Variants in VAV1 observed in about 807,000 individuals in gnomAD.
VAV1 encodes proto-oncogene vav.
VAV1 carries 33 observed loss-of-function variants against 128.1 expected under a neutral mutation model. The ratio of observed to expected loss-of-function variants is 0.26; its 90% CI spans 0.20 to 0.34. VAV1 has a LOEUF of 0.34. Among genes scored for constraint, VAV1 ranks in the 10% least tolerant of loss-of-function variants. The pLI, the probability that VAV1 is intolerant of heterozygous loss-of-function variation, is 1.00. For missense variants in VAV1, 715 were observed against 1,093.7 expected (o/e 0.65, Z 4.88); for synonymous variants, 394 against 409.8 (o/e 0.96, Z 0.47).
At chr19:6,788,708 G>A (rs1970949202) in intron 1 of VAV1, among the ~76,000 whole-genome samples, 1 of 152,076 alleles carries the variant, frequency 6.6e-6, no homozygotes, top group Non-Finnish European at 1.5e-5. Context: ...GAGGTGGGAG[G>A]TGGCTGGTCA....
At chr19:6,843,400 G>A (rs767676435) in intron 22 of VAV1, among the ~76,000 whole-genome samples, 5 of 152,146 alleles carry the variant, frequency 3.3e-5, no homozygotes, top group Admixed American at 6.6e-5. Flanking sequence ...TGATGATGAC[G>A]ATGATGACAA....
At chr19:6,779,235 A>G (rs967023883) in intron 1 of VAV1, among the ~76,000 whole-genome samples, 1 of 150,704 alleles carries the variant, frequency 6.6e-6, no homozygotes, top group African/African-American at 2.4e-5. Context: ...TATTTTTTGT[A>G]GAGATGGGGT....
chr19:6,850,845 A>G, intron 24 of VAV1, 88 bp downstream of exon 24: 1 of 1,348,486 alleles, frequency 7.4e-7, no homozygotes, highest in Non-Finnish European at 1.0e-6. Context: ...CTTTTCCCAC[A>G]TTCAGGGTGA....
intron 26 of VAV1, among the ~76,000 whole-genome samples, chr19:6,854,495 T>A (rs1005061263): frequency 6.6e-6 from 1 of 152,036 alleles, no homozygotes; most frequent in Non-Finnish European, 1.5e-5. Context: ...GGAGGATCTC[T>A]TGAGGCCACA....
In VAV1 at chr19:6,833,219, G is replaced by A. The variant is rs764184305; in HGVS notation, c.1544G>A (p.Gly515Glu). 2 of 1,613,268 alleles carry A rather than the reference G, an allele frequency of 1.2e-6. No homozygotes were observed. The highest frequency in any genetic ancestry group is 2.2e-5 in the South Asian group (2 of 90,900). ...NIYPENATAN[G>E]HDFQMFSFEE... ...TATCCGGAGAATGCCACCGCCAACG[G>A]GCATGACTTCCAGATGTTCTCCTTT... Residue 515 changes from glycine (G) to glutamate (E), a missense_variant, in exon 16 of 27, where the codon GGG becomes GAG. By Grantham distance (98) the Gly-to-Glu change is moderately conservative. Around this residue, in one of 3 missense-constraint regions of VAV1, gnomAD observed 407 missense variants for 580.6 expected, o/e 0.70. Coordinates refer to ENST00000602142, the MANE Select transcript of VAV1 (RefSeq NM_005428.4).
At chr19:6,821,984 C>A in intron 4 of VAV1, 125 bp downstream of exon 4, 1 of 1,353,054 alleles carries the variant, frequency 7.4e-7, no homozygotes, top group Non-Finnish European at 1.1e-6. Flanking sequence ...GGCACACAAC[C>A]TTGCCTGAGA....
chr19:6,792,325 T>G (rs1971035360), intron 1 of VAV1, among the ~76,000 whole-genome samples: 1 of 146,504 alleles, frequency 6.8e-6, no homozygotes, highest in Admixed American at 6.8e-5. Flanking sequence ...AGGGTGGAGG[T>G]GGATGAAAAG....
In VAV1 at chr19:6,777,702, T is replaced by C. The variant is rs907463749; in HGVS notation, c.204+4691T>C. Among the ~76,000 whole-genome samples the C allele has an allele frequency of 3.3e-5, 5 of 152,054 alleles. No individual in the cohort carries two copies. The highest frequency in any genetic ancestry group is 7.4e-5 in the Non-Finnish European group (5 of 67,998). ...GGTGCAGGAGGTCAGGTTGGATGAA[T>C]CTCCAAGCGGCTGGTCCCCTTGAGA... On this transcript the variant is annotated intron_variant, in intron 1 of 26. Transcript: ENST00000602142. The surrounding 1 kb of genome is among the most constrained non-coding windows in gnomAD (Gnocchi z 4.4).
intron 1 of VAV1, among the ~76,000 whole-genome samples, chr19:6,799,635 T>C (rs1416369724): frequency 1.3e-5 from 2 of 152,010 alleles, no homozygotes; most frequent in African/African-American, 4.8e-5. Flanking sequence ...CAGTGTGTGA[T>C]GTTCCCCTTG....
chr19:6,834,803 A>C (rs1196379649), intron 19 of VAV1, among the ~76,000 whole-genome samples: 1 of 150,742 alleles, frequency 6.6e-6, no homozygotes, highest in Non-Finnish European at 1.5e-5. Flanking sequence ...TGCCATTTAT[A>C]TGACATATAA....
intron 1 of VAV1, among the ~76,000 whole-genome samples, chr19:6,814,671 C>CTCTCTCTCTCTCTCTCTCTCTCT (rs540074087): frequency 3.9e-5 from 1 of 25,796 alleles, no homozygotes; most frequent in African/African-American, 1.6e-4. Context: ...TTCCTTCCTT[C>CTCTCTCTCTCTCTCTCTCTCTCT]CTTTCTTTCT....
chr19:6,850,503 T>C (rs557049617), intron 23 of VAV1, among the ~76,000 whole-genome samples, 167 bp from the exon 24 acceptor site: 1 of 151,742 alleles, frequency 6.6e-6, no homozygotes, highest in African/African-American at 2.4e-5. Context: ...ATTAAGGCTT[T>C]AGAGTAGCAA....
intron 26 of VAV1, among the ~76,000 whole-genome samples, chr19:6,855,638 T>A (rs544128528): frequency 6.6e-6 from 1 of 152,206 alleles, no homozygotes; most frequent in African/African-American, 2.4e-5. Context: ...TATCTGTGCA[T>A]CCATCCATCT....
At chr19:6,844,760 G>C (rs1321046973) in intron 22 of VAV1, among the ~76,000 whole-genome samples, 1 of 152,058 alleles carries the variant, frequency 6.6e-6, no homozygotes, top group Non-Finnish European at 1.5e-5. Flanking sequence ...TGGGGACCAG[G>C]GTGAGACCAG....
intron 6 of VAV1, among the ~76,000 whole-genome samples, chr19:6,824,686 C>G (rs1056469615): frequency 1.3e-5 from 2 of 152,232 alleles, no homozygotes; most frequent in Admixed American, 1.3e-4. Flanking sequence ...CATCTGCCAC[C>G]GTGCCCAGCT....
intron 1 of VAV1, among the ~76,000 whole-genome samples, chr19:6,803,785 A>G (rs919487519): frequency 2.6e-4 from 39 of 152,174 alleles, no homozygotes; most frequent in African/African-American, 9.2e-4. Flanking sequence ...GGCTGGCCTC[A>G]AACTCCTGAC....
At chr19:6,808,552 C>T (rs1971447808) in intron 1 of VAV1, among the ~76,000 whole-genome samples, 1 of 152,210 alleles carries the variant, frequency 6.6e-6, no homozygotes, top group East Asian at 1.9e-4. Context: ...AGACCAGCTC[C>T]TCCTGTTCTG....
At chr19:6,851,893 CT>C (rs945260195) in intron 24 of VAV1, among the ~76,000 whole-genome samples, 1 of 151,976 alleles carries the variant, frequency 6.6e-6, no homozygotes. Context: ...TTCAACAAAT[CT>C]TTTTTTTCCT....
At chr19:6,801,579 G>A (rs1247557380) in intron 1 of VAV1, among the ~76,000 whole-genome samples, 1 of 152,172 alleles carries the variant, frequency 6.6e-6, no homozygotes, top group Non-Finnish European at 1.5e-5. Flanking sequence ...GCTTGAGGTT[G>A]CCTGATGAAG....
Sources: allele counts gnomAD v4.1 joint callset (sites outside exome capture counted in the v4.1 genomes callset), GRCh38; gene constraint gnomAD v4.1.1; regional missense constraint gnomAD v4.1.1; non-coding constraint Gnocchi (gnomAD v3.1); transcripts MANE v1.5; gene names NCBI Gene and HGNC (gene_info 2026-07-23, HGNC 2026-07-21).